SNX4: variants seen among roughly 807,000 people sequenced by gnomAD.
SNX4 encodes the protein sorting nexin 4.
SNX4 carries 49 observed loss-of-function variants against 70.8 expected under a neutral mutation model. The ratio of observed to expected loss-of-function variants is 0.69; its 90% CI spans 0.55 to 0.88. The LOEUF (loss-of-function observed/expected upper bound fraction) is 0.88. Ranked by LOEUF, SNX4 falls within the 40% of genes least tolerant of loss-of-function variation. SNX4 has a pLI of 0.00. For missense variants in SNX4, 528 were observed against 544.8 expected, an observed-to-expected ratio of 0.97 and a Z score of 0.31; for synonymous variants, 206 against 183.8, an observed-to-expected ratio of 1.12 and a Z score of -0.98.
intron 1 of SNX4, among the ~76,000 whole-genome samples, chr3:125,511,284 A>G (rs1021796554): frequency 1.2e-4 from 17 of 144,880 alleles, no homozygotes; most frequent in Admixed American, 2.1e-4. Flanking sequence ...TTGATATCTA[A>G]TTTGGGGTTT....
At chr3:125,468,232 A>C (rs968865545) in intron 9 of SNX4, among the ~76,000 whole-genome samples, 1 of 152,200 alleles carries the variant, frequency 6.6e-6, no homozygotes, top group African/African-American at 2.4e-5. Context: ...AACAGAAATC[A>C]ATGCCTACTT....
At position 125,446,824 on chromosome 3, in the gene SNX4, T is replaced by C. The variant is rs1933434701; in HGVS notation, c.*955A>G. The C allele has an allele frequency of 6.6e-6, 1 of 152,592 alleles. No homozygotes were observed. Among genetic ancestry groups the C allele is most frequent in the African/African-American group, 2.4e-5 (1 of 41,454 alleles). The allele number at this position is 152,592 out of a possible 1,614,324, so 9.5% of individuals were successfully genotyped here. A position where few individuals can be genotyped will look rare whatever the true frequency, so the allele number is the denominator to read the frequency against. On this transcript the variant is annotated 3_prime_UTR_variant, in exon 14 of 14. Coordinates refer to ENST00000251775, the MANE Select transcript of SNX4 (RefSeq NM_003794.4). ...TTCTGCAAAGCTAGCAAAATGAAGATGCTTGCCTTCTGAACATATACTACA... is the reference window on the plus strand; with the variant it reads ...TTCTGCAAAGCTAGCAAAATGAAGACGCTTGCCTTCTGAACATATACTACA...
intron 1 of SNX4, among the ~76,000 whole-genome samples, chr3:125,517,867 T>G (rs1935315680): frequency 2.6e-5 from 4 of 151,990 alleles, no homozygotes; most frequent in Non-Finnish European, 5.9e-5. Context: ...TCCCAGCTAC[T>G]CAGGAGGCTG....
intron 9 of SNX4, among the ~76,000 whole-genome samples, chr3:125,467,109 A>G (rs565592013): frequency 7.9e-5 from 11 of 139,034 alleles, no homozygotes; most frequent in Admixed American, 6.0e-4. Flanking sequence ...AAAAAGGGCC[A>G]GGTGCGGTGG....
At chr3:125,457,635 T>C (rs1381163467) in intron 10 of SNX4, among the ~76,000 whole-genome samples, 1 of 144,810 alleles carries the variant, frequency 6.9e-6, no homozygotes, top group African/African-American at 2.6e-5. Context: ...TGGAGTGCAA[T>C]GGCGCGATCT....
intron 6 of SNX4, among the ~76,000 whole-genome samples, chr3:125,481,472 G>C (rs1934408573): frequency 7.1e-6 from 1 of 141,766 alleles, no homozygotes; most frequent in Non-Finnish European, 1.5e-5. Context: ...TTTTGAGACA[G>C]AGTTTCACTC....
chr3:125,478,820 C>T (rs1934343088), intron 7 of SNX4, among the ~76,000 whole-genome samples: 1 of 152,116 alleles, frequency 6.6e-6, no homozygotes, highest in Admixed American at 6.6e-5. Flanking sequence ...TCTGCACCTC[C>T]CACGAGAACT....
At chr3:125,504,572 A>G (rs1935006527) in intron 2 of SNX4, 51 bp downstream of exon 2, 1 of 1,554,136 alleles carries the variant, frequency 6.4e-7, no homozygotes, top group South Asian at 1.2e-5. Flanking sequence ...ATCAATAGCT[A>G]TCAGAAAAAG....
intron 10 of SNX4, among the ~76,000 whole-genome samples, chr3:125,457,630 T>C (rs1370608723): frequency 7.0e-6 from 1 of 143,836 alleles, no homozygotes; most frequent in Non-Finnish European, 1.5e-5. Context: ...CAGGCTGGAG[T>C]GCAATGGCGC....
intron 1 of SNX4, among the ~76,000 whole-genome samples, chr3:125,511,956 G>T (rs1935182409): frequency 6.6e-6 from 1 of 151,906 alleles, no homozygotes. Context: ...GGAAAAATGA[G>T]GAAGAAGGTA....
At chr3:125,485,943 C>T (rs1031087554) in intron 6 of SNX4, among the ~76,000 whole-genome samples, 1 of 152,052 alleles carries the variant, frequency 6.6e-6, no homozygotes, top group African/African-American at 2.4e-5. Context: ...CGGGTTCAAG[C>T]AATTCTCCTG....
chr3:125,476,665 A>G, intron 8 of SNX4, 30 bp downstream of exon 8: 2 of 1,316,084 alleles, frequency 1.5e-6, no homozygotes, highest in South Asian at 1.2e-5. Context: ...AATTAAAGCT[A>G]ATTATTTTTA....
chr3:125,494,840 T>C (rs9874308), intron 5 of SNX4, among the ~76,000 whole-genome samples: 82,351 of 151,886 alleles, frequency 0.54, 23,982 homozygotes, highest in African/African-American at 0.77. Context: ...TACAGTGAAG[T>C]CCTAGGGGTT....
In SNX4 at chr3:125,513,503, A is replaced by G. The variant is rs558565923; in HGVS notation, c.141+6529T>C. 4.7e-4 allele frequency among the ~76,000 whole-genome samples: 71 copies of G among 152,308 alleles called. No individual in the cohort carries two copies. The South Asian group carries it at 0.013, about 28-fold the overall frequency. On this transcript the variant is annotated intron_variant, in intron 1 of 13. Coordinates refer to ENST00000251775, the MANE Select transcript of SNX4 (RefSeq NM_003794.4). ...TTTGGCATATGGCAAGAGCTCAAGT[A>G]TTACTTTTCCGCCATTATTTTTAGA...
At chr3:125,467,117 T>C (rs1044484135) in intron 9 of SNX4, among the ~76,000 whole-genome samples, 2 of 136,226 alleles carry the variant, frequency 1.5e-5, no homozygotes, top group Admixed American at 1.6e-4. Context: ...CCAGGTGCGG[T>C]GGCTTACCCC....
chr3:125,476,930 A>G (rs1420922048), intron 7 of SNX4, among the ~76,000 whole-genome samples, 174 bp from the exon 8 acceptor site: 1 of 152,198 alleles, frequency 6.6e-6, no homozygotes, highest in Non-Finnish European at 1.5e-5. Context: ...TGCTCTTACC[A>G]TATTTATCAT....
chr3:125,515,367 A>G (rs1935253115), intron 1 of SNX4, among the ~76,000 whole-genome samples: 1 of 151,264 alleles, frequency 6.6e-6, no homozygotes, highest in Admixed American at 6.6e-5. Context: ...ATATATATAT[A>G]TATATATTTT....
At chr3:125,497,744 G>A in intron 4 of SNX4, 90 bp downstream of exon 4, 1 of 871,952 alleles carries the variant, frequency 1.1e-6, no homozygotes, top group Non-Finnish European at 1.7e-6. Flanking sequence ...ATAAATTAAT[G>A]AAAAGATCCT....
intron 9 of SNX4, among the ~76,000 whole-genome samples, chr3:125,468,542 A>G (rs1934087531): frequency 6.7e-6 from 1 of 150,068 alleles, no homozygotes; most frequent in African/African-American, 2.4e-5. Flanking sequence ...CTCTAAAAAA[A>G]GAAAAAAAAA....
Sources: gnomAD v4.1 joint callset for allele counts (sites outside exome capture counted in the v4.1 genomes callset) on GRCh38, gnomAD v4.1.1 for gene constraint, MANE v1.5 for transcripts, NCBI Gene and HGNC (gene_info 2026-07-23, HGNC 2026-07-21) for gene names.